The following SREK1 variants were observed in gnomAD, a reference collection of about 807,000 sequenced individuals.
The protein encoded by SREK1 is splicing regulatory glutamine/lysine-rich protein 1.
Under a neutral mutation model 66.5 loss-of-function variants are expected in SREK1, and 13 were observed. That is an observed-to-expected ratio of 0.20 (90% confidence interval 0.13 to 0.31). The LOEUF (loss-of-function observed/expected upper bound fraction) is 0.31, where lower values mean the gene tolerates loss of function less well. Ranked by LOEUF, SREK1 falls within the 10% of genes least tolerant of loss-of-function variation. The pLI, the probability that SREK1 is intolerant of heterozygous loss-of-function variation, is 1.00. For synonymous variants in SREK1, 265 were observed against 263.5 expected, an observed-to-expected ratio of 1.01 and a Z score of -0.05; for missense variants, 607 against 769.6, an observed-to-expected ratio of 0.79 and a Z score of 2.50.
At chr5:66,144,647 G>T (rs2111889095) in intron 1 of SREK1, 110 bp downstream of exon 1, 1 of 1,430,500 alleles carries the variant, frequency 7.0e-7, no homozygotes, top group South Asian at 1.5e-5. Context: ...TCACGTGATC[G>T]CGCCGGCTTA....
Position 66,153,529 on chromosome 5 carries a change from C to T in SREK1, c.228C>T (p.Gly76=), listed in dbSNP as rs1744028669. 14 of 1,613,818 alleles carry T rather than the reference C, an allele frequency of 8.7e-6. No homozygotes were observed. Among genetic ancestry groups the T allele is most frequent in the African/African-American group, 1.3e-5 (1 of 74,924 alleles). ...YVKFRDPSSV[G]VAQHLTNTVF... ...AGTTTCGTGATCCATCAAGTGTTGG[C>T]GTGGCCCAGCATCTAACTAACACGG... is the stretch of plus-strand genomic sequence containing the variant. Residue 76 remains glycine (G), a synonymous_variant, in exon 2 of 12, where the codon GGC becomes GGT. Coordinates refer to ENST00000334121, the MANE Select transcript of SREK1 (RefSeq NM_001077199.3).
At chr5:66,149,746 G>T (rs1743599984) in intron 1 of SREK1, among the ~76,000 whole-genome samples, 1 of 152,194 alleles carries the variant, frequency 6.6e-6, no homozygotes, top group Non-Finnish European at 1.5e-5. Flanking sequence ...AATTGCTAGG[G>T]CTTTAGTAGG....
At chr5:66,178,282 C>G (rs537070384) in intron 11 of SREK1, among the ~76,000 whole-genome samples, 7 of 152,134 alleles carry the variant, frequency 4.6e-5, no homozygotes, top group African/African-American at 9.6e-5. Context: ...TCATTTAACT[C>G]TTTTAAATTG....
chr5:66,177,646 T>C lies in SREK1; in HGVS notation c.1713T>C (p.Ser571=). 6.3e-7 allele frequency: 1 copy of C among 1,596,626 alleles called. No individual in the cohort carries two copies. The highest frequency in any genetic ancestry group is 1.1e-5 in the South Asian group (1 of 87,484). Residue 571 remains serine, a synonymous_variant, in exon 11 of 12, where the codon AGT becomes AGC. Coordinates refer to ENST00000334121, the MANE Select transcript of SREK1 (RefSeq NM_001077199.3). ...RDGKEKLEKN[S]TSLKEKEHNK... ...GGAAGGAGAAGTTGGAGAAGAACAGTACTTCACTTAAAGTAAGCAGCAGTC... is the reference window on the plus strand; with the variant it reads ...GGAAGGAGAAGTTGGAGAAGAACAGCACTTCACTTAAAGTAAGCAGCAGTC...
intron 3 of SREK1, among the ~76,000 whole-genome samples, chr5:66,160,003 G>T (rs1024022592): frequency 2.0e-5 from 3 of 152,166 alleles, no homozygotes; most frequent in African/African-American, 7.2e-5. Context: ...GGTGGCGGGT[G>T]CCCGTAGTCC....
intron 6 of SREK1, 49 bp downstream of exon 6, chr5:66,163,971 T>C (rs1405985428): frequency 6.4e-7 from 1 of 1,555,972 alleles, no homozygotes; most frequent in Middle Eastern, 1.7e-4. Flanking sequence ...GATCATAGAC[T>C]CTTAGAACTG....
chr5:66,159,331 T>A lies in SREK1; in HGVS notation c.408T>A (p.Thr136=). The A allele has an allele frequency of 3.7e-6, 6 of 1,606,972 alleles. No individual in the cohort carries two copies. Among genetic ancestry groups the A allele is most frequent in the African/African-American group, 1.3e-5 (1 of 74,754 alleles). The part of the protein sequence containing the change: ...LLPIPTPNPL[T]TLGVSLSSLG... ...CAATACCGACCCCAAATCCTTTGAC[T>A]ACTGTAAGTACTATAAGCTGGCTTA... is the stretch of plus-strand genomic sequence containing the variant. The change falls in exon 3 of 12, where the codon ACT becomes ACA. Residue 136 remains threonine, a synonymous_variant. Transcript: ENST00000334121.
Position 66,178,786 on chromosome 5 carries a change from G to C in SREK1, c.1793G>C (p.Arg598Thr), listed in dbSNP as rs1177326278. 6 of 1,612,522 alleles carry C rather than the reference G, an allele frequency of 3.7e-6. No individual in the cohort carries two copies. The East Asian group carries it at 1.1e-4, about 30-fold the overall frequency. The change falls in exon 12 of 12, where the codon AGG becomes ACG. Residue 598 changes from arginine (R) to threonine (T), a missense_variant. This residue lies in a region of SREK1 where 318 missense variants were observed against 310.3 expected (regional missense o/e 1.02). Coordinates refer to ENST00000334121, the MANE Select transcript of SREK1 (RefSeq NM_001077199.3). ...GAAGTAGATGACAAGGATGCACCAA[G>C]GACTGAGGAAAACAAAATACAGCAC... ...SKEVDDKDAP[R>T]TEENKIQHNG... is the part of the protein sequence containing the mutation.
At chr5:66,174,424 A>G (rs1228201279) in intron 9 of SREK1, among the ~76,000 whole-genome samples, 4 of 152,156 alleles carry the variant, frequency 2.6e-5, no homozygotes, top group Non-Finnish European at 5.9e-5. Flanking sequence ...CTAAAATGAT[A>G]GTAATGTAAA....
intron 9 of SREK1, among the ~76,000 whole-genome samples, chr5:66,173,713 G>T (rs1745836288): frequency 6.6e-6 from 1 of 152,162 alleles, no homozygotes; most frequent in Admixed American, 6.5e-5. Flanking sequence ...ACTGATAAAG[G>T]CAGAGCGATT....
chr5:66,160,047 G>A (rs577136347), intron 3 of SREK1, among the ~76,000 whole-genome samples: 58 of 152,196 alleles, frequency 3.8e-4, no homozygotes, highest in African/African-American at 6.5e-4. Context: ...GGAGAATGGC[G>A]TGAGCCTGGG....
chr5:66,161,083 T>C (rs1348199049), intron 3 of SREK1, among the ~76,000 whole-genome samples: 3 of 152,228 alleles, frequency 2.0e-5, no homozygotes, highest in Non-Finnish European at 2.9e-5. Flanking sequence ...TAGATATATT[T>C]TCTTAGGTAA....
At position 66,178,928 on chromosome 5, in the gene SREK1, TCAA is replaced by T. The variant is rs1746293370; in HGVS notation, c.*64_*66del. ...ATCAAATCCAAAGCTTTTAATTCTC[TCAA>T]CAAGATGTAAACAGGAAAGAAATCT... On this transcript the variant is annotated 3_prime_UTR_variant, in exon 12 of 12. Transcript: ENST00000334121. 2 of 1,464,866 alleles carry T rather than the reference TCAA, an allele frequency of 1.4e-6. No homozygotes were observed. The highest frequency in any genetic ancestry group is 1.8e-6 in the Non-Finnish European group (2 of 1,097,886). 90.7% of individuals were successfully genotyped at this position (1,464,866 alleles called of 1,614,324 possible). A position where few individuals can be genotyped will look rare whatever the true frequency, so the allele number is the denominator to read the frequency against.
In SREK1 at chr5:66,178,802, A is replaced by C. The variant is rs1038772425; in HGVS notation, c.1809A>C (p.Lys603Asn). 6.2e-7 allele frequency: 1 copy of C among 1,612,678 alleles called. No individual in the cohort carries two copies. Among genetic ancestry groups the C allele is most frequent in the African/African-American group, 1.3e-5 (1 of 74,866 alleles). The change falls in exon 12 of 12, where the codon AAA becomes AAC. Residue 603 changes from lysine (K) to asparagine (N), a missense_variant. Transcript: ENST00000334121. ...DKDAPRTEEN[K>N]IQHNGNCQLN... ...ATGCACCAAGGACTGAGGAAAACAA[A>C]ATACAGCACAATGGGAATTGTCAGC... is the stretch of plus-strand genomic sequence containing the variant.
intron 9 of SREK1, among the ~76,000 whole-genome samples, chr5:66,171,261 G>A (rs552255018): frequency 2.2e-4 from 34 of 152,132 alleles, no homozygotes; most frequent in South Asian, 4.1e-4. Context: ...AAGAATTTGC[G>A]TCTTAGGCTT....
At chr5:66,177,342 G>C in intron 10 of SREK1, 172 bp from the exon 11 acceptor site, 2 of 521,872 alleles carry the variant, frequency 3.8e-6, no homozygotes, top group Non-Finnish European at 6.5e-6. Flanking sequence ...GTAAGGGTGG[G>C]GTAGGTCAGG....
intron 10 of SREK1, among the ~76,000 whole-genome samples, chr5:66,176,352 G>A (rs138388052): frequency 6.6e-6 from 1 of 152,150 alleles, no homozygotes; most frequent in African/African-American, 2.4e-5. Flanking sequence ...TTAAGTATTT[G>A]GCAAGGCCTG....
chr5:66,164,483 A>T (rs1012717133), intron 6 of SREK1: 43 of 947,934 alleles, frequency 4.5e-5, no homozygotes, highest in Non-Finnish European at 5.9e-5. Flanking sequence ...TAGCAGAATA[A>T]GTGGAGAAAG....
Position 66,170,698 on chromosome 5 carries a change from G to C in SREK1, c.1235G>C (p.Gly412Ala). The part of the protein sequence containing the change: ...EKEREKEKER[G>A]KNKDRDKERE... ...GAACGTGAAAAAGAAAAGGAACGGG[G>C]TAAAAACAAAGACCGGGACAAGGAA... Residue 412 changes from glycine (G) to alanine (A), a missense_variant, in exon 9 of 12, where the codon GGT becomes GCT. Gly to Ala is a moderately conservative substitution (Grantham distance 60). Transcript: ENST00000334121. The C allele has an allele frequency of 1.2e-6, 2 of 1,609,088 alleles. No homozygotes were observed. Among genetic ancestry groups the C allele is most frequent in the Non-Finnish European group, 1.7e-6 (2 of 1,177,526 alleles).
Sources: gnomAD v4.1 joint callset for allele counts (sites outside exome capture counted in the v4.1 genomes callset) on GRCh38, gnomAD v4.1.1 for gene constraint, gnomAD v4.1.1 regional missense constraint, MANE v1.5 for transcripts, NCBI Gene and HGNC (gene_info 2026-07-23, HGNC 2026-07-21) for gene names.